Variants in ANO3 observed in about 807,000 individuals in gnomAD.
ANO3 encodes the protein anoctamin 3.
In ANO3, 99 loss-of-function variants were observed where a neutral mutation model predicts 144.8. The observed-to-expected ratio is 0.68, with a 90% CI of 0.58 to 0.81. The LOEUF is 0.81. Among genes scored for constraint, ANO3 ranks in the 30% least tolerant of loss-of-function variants. The pLI, the probability that ANO3 is intolerant of heterozygous loss-of-function variation, is 0.00. For synonymous variants in ANO3, 414 were observed against 392.6 expected (o/e 1.05, Z -0.64); for missense variants, 905 against 1,202.2 (o/e 0.75, Z 3.66).
chr11:26,650,854 A>G (rs146060481), intron 24 of ANO3, among the ~76,000 whole-genome samples: 2 of 152,304 alleles, frequency 1.3e-5, no homozygotes, highest in African/African-American at 4.8e-5. Context: ...CTTTTTTCCA[A>G]CATGAAATAA....
chr11:26,332,444 TAAA>T (rs56225203), intron 1 of ANO3, 123 bp downstream of exon 1: 282 of 615,402 alleles, frequency 4.6e-4, no homozygotes, highest in African/African-American at 8.4e-4. Context: ...TCTGTGAAGT[TAAA>T]AAAAAAAAAA....
At chr11:26,395,892 T>C (rs1565000628) in intron 1 of ANO3, among the ~76,000 whole-genome samples, 1 of 152,118 alleles carries the variant, frequency 6.6e-6, no homozygotes, top group African/African-American at 2.4e-5. Flanking sequence ...GGCAAAGACT[T>C]CATGACTAAA....
intron 4 of ANO3, among the ~76,000 whole-genome samples, chr11:26,489,454 C>T (rs1170721090): frequency 6.6e-6 from 1 of 152,176 alleles, no homozygotes; most frequent in East Asian, 1.9e-4. Flanking sequence ...GGTTGGAGCT[C>T]CCAAACGTAG....
At chr11:26,548,098 G>A (rs376771961) in intron 12 of ANO3, among the ~76,000 whole-genome samples, 289 of 152,022 alleles carry the variant, frequency 1.9e-3, no homozygotes, top group African/African-American at 6.6e-3. Flanking sequence ...TCCTGAGTAC[G>A]TGACAAAACG....
chr11:26,229,555 C>G (rs1482672625), intron 1 of ANO3, among the ~76,000 whole-genome samples: 1 of 152,064 alleles, frequency 6.6e-6, no homozygotes, highest in Admixed American at 6.6e-5. Flanking sequence ...GAAGGCAACC[C>G]CCTTTCATAT....
At chr11:26,477,076 A>C (rs1860012102) in intron 4 of ANO3, among the ~76,000 whole-genome samples, 1 of 152,134 alleles carries the variant, frequency 6.6e-6, no homozygotes, top group African/African-American at 2.4e-5. Context: ...GGCTTTACTC[A>C]ATCACAAGTT....
intron 8 of ANO3, among the ~76,000 whole-genome samples, chr11:26,534,201 C>A (rs1191187061): frequency 6.6e-6 from 1 of 152,166 alleles, no homozygotes; most frequent in Non-Finnish European, 1.5e-5. Context: ...AGCCAATGGG[C>A]TATCTATTCT....
upstream of ANO3, among the ~76,000 whole-genome samples, chr11:26,330,779 T>G (rs1207124371): frequency 2.6e-5 from 4 of 152,232 alleles, no homozygotes; most frequent in Non-Finnish European, 5.9e-5. Context: ...CCTCATTCTT[T>G]TGTATCATGC....
At chr11:26,428,727 TTGTGTGTG>T (rs66649719) in intron 1 of ANO3, among the ~76,000 whole-genome samples, 1 of 150,994 alleles carries the variant, frequency 6.6e-6, no homozygotes, top group African/African-American at 2.4e-5. Context: ...CTTGTAGAAT[TTGTGTGTG>T]TGTGTGTGTG....
intron 1 of ANO3, among the ~76,000 whole-genome samples, chr11:26,313,587 G>A (rs1301722607): frequency 4.0e-5 from 6 of 151,692 alleles, no homozygotes; most frequent in South Asian, 2.1e-4. Flanking sequence ...CTTGGGAGGC[G>A]GAGGCAGGAA....
chr11:26,300,191 T>A (rs564165550), intron 1 of ANO3, among the ~76,000 whole-genome samples: 34 of 151,998 alleles, frequency 2.2e-4, no homozygotes, highest in Middle Eastern at 3.4e-3. Flanking sequence ...GCGATGCCCA[T>A]GCAAGCACGC....
intron 1 of ANO3, among the ~76,000 whole-genome samples, chr11:26,337,927 T>A (rs1012129329): frequency 1.3e-5 from 2 of 151,562 alleles, no homozygotes; most frequent in African/African-American, 4.9e-5. Flanking sequence ...AGAGCAAAAC[T>A]CAGTCTCAAA....
At position 26,442,113 on chromosome 11, in the gene ANO3, G is replaced by T. The variant is rs376533875; in HGVS notation, c.241+1G>T. On this transcript the variant is annotated splice_donor_variant, in intron 2 of 26. Coordinates refer to ENST00000256737, the MANE Select transcript of ANO3 (RefSeq NM_031418.4). LOFTEE classifies it high-confidence loss of function. ...ATCTCCACTGACAAAGCAGAGCAAG[G>T]TGAGCAGCAATTCCTATTTTCTTGT... 6.2e-7 allele frequency: 1 copy of T among 1,608,122 alleles called. No individual in the cohort carries two copies. Among genetic ancestry groups the T allele is most frequent in the African/African-American group, 1.3e-5 (1 of 74,610 alleles).
At chr11:26,465,149 TG>T (rs1859554067) in intron 4 of ANO3, among the ~76,000 whole-genome samples, 18 of 149,392 alleles carry the variant, frequency 1.2e-4, no homozygotes, top group South Asian at 2.1e-4. Context: ...TGTGTGTGTG[TG>T]TGTGTGTGTG....
At chr11:26,626,491 C>T (rs1444831723) in intron 18 of ANO3, among the ~76,000 whole-genome samples, 1 of 152,196 alleles carries the variant, frequency 6.6e-6, no homozygotes, top group Non-Finnish European at 1.5e-5. Flanking sequence ...GTACCCCTGT[C>T]ATTCTGAGTC....
intron 1 of ANO3, among the ~76,000 whole-genome samples, chr11:26,192,140 C>T (rs1027313073): frequency 1.3e-5 from 2 of 152,070 alleles, no homozygotes; most frequent in South Asian, 2.1e-4. Context: ...CACAATTTGC[C>T]GCCTGATATC....
At chr11:26,254,084 C>A (rs1480460245) in intron 1 of ANO3, among the ~76,000 whole-genome samples, 1 of 152,164 alleles carries the variant, frequency 6.6e-6, no homozygotes, top group Non-Finnish European at 1.5e-5. Context: ...ATGAATTCAG[C>A]CATGTGGAAC....
At chr11:26,648,391 T>G (rs1277652459) in intron 24 of ANO3, among the ~76,000 whole-genome samples, 1 of 152,198 alleles carries the variant, frequency 6.6e-6, no homozygotes, top group Non-Finnish European at 1.5e-5. Flanking sequence ...GTCCACTCTT[T>G]GCAACATAGT....
chr11:26,605,873 TA>T lies in ANO3; in HGVS notation c.1836+6168del, dbSNP rs142190718. On this transcript the variant is annotated intron_variant, in intron 17 of 26. Transcript: ENST00000256737. ...CTAGCAGTCTATTTTGTTAATCTTT[TA>T]AAAAAAAACCAACTCCTGGATTCAT... Among the ~76,000 whole-genome samples the T allele has an allele frequency of 2.6e-4, 40 of 151,226 alleles. 1 individual carries two copies. The highest frequency in any genetic ancestry group is 9.2e-4 in the African/African-American group (38 of 41,240).
Sources: gnomAD v4.1 joint callset for allele counts (sites outside exome capture counted in the v4.1 genomes callset) on GRCh38, gnomAD v4.1.1 for gene constraint, MANE v1.5 for transcripts, NCBI Gene and HGNC (gene_info 2026-07-23, HGNC 2026-07-21) for gene names.